The following PDE5A variants were observed in gnomAD, a reference collection of about 807,000 sequenced individuals.
The protein encoded by PDE5A is phosphodiesterase 5A, also known as cGMP-specific 3',5'-cyclic phosphodiesterase.
PDE5A carries 67 observed loss-of-function variants against 110.2 expected under a neutral mutation model. That is an observed-to-expected ratio of 0.61 (90% CI 0.50 to 0.75). The LOEUF (loss-of-function observed/expected upper bound fraction) is 0.75, where lower values mean the gene tolerates loss of function less well. PDE5A is among the 30% of genes least tolerant of loss of function. The pLI is 0.00. For synonymous variants in PDE5A, 328 were observed against 351.2 expected, an observed-to-expected ratio of 0.93 and a Z score of 0.74; for missense variants, 862 against 1,045.1, an observed-to-expected ratio of 0.82 and a Z score of 2.42.
chr4:119,605,157 C>T (rs1407976407), intron 2 of PDE5A, among the ~76,000 whole-genome samples: 1 of 152,130 alleles, frequency 6.6e-6, no homozygotes, highest in Non-Finnish European at 1.5e-5. Context: ...CTCAGCCTGG[C>T]ATTCAAGACC....
intron 1 of PDE5A, among the ~76,000 whole-genome samples, chr4:119,620,969 G>A (rs1330728671): frequency 6.6e-6 from 1 of 152,112 alleles, no homozygotes; most frequent in Non-Finnish European, 1.5e-5. Flanking sequence ...TTACCATACT[G>A]TTTTTCAGAT....
chr4:119,625,279 G>A (rs996076182), intron 1 of PDE5A, among the ~76,000 whole-genome samples: 2 of 152,178 alleles, frequency 1.3e-5, no homozygotes, highest in Non-Finnish European at 2.9e-5. Context: ...TTACAGGCAT[G>A]AGCCACCGTG....
intron 15 of PDE5A, among the ~76,000 whole-genome samples, chr4:119,509,954 A>G (rs1164471133): frequency 6.6e-6 from 1 of 151,994 alleles, no homozygotes; most frequent in Non-Finnish European, 1.5e-5. Context: ...CAAGGCACTC[A>G]TATCAGTACC....
Position 119,575,783 on chromosome 4 carries a change from G to A in PDE5A, c.832-8639C>T, listed in dbSNP as rs926194051. On this transcript the variant is annotated intron_variant, in intron 3 of 20. Transcript: ENST00000354960. ...CTAGGAAGAAACTGCATCAACTAAC[G>A]AGTAAAATAACCAGCTAACATTATA... Among the ~76,000 whole-genome samples, 4 of 152,238 alleles carry A rather than the reference G, an allele frequency of 2.6e-5. No individual in the cohort carries two copies. In the East Asian group the frequency reaches 7.7e-4, roughly 29 times the overall value.
chr4:119,505,549 C>T (rs1725521791), intron 17 of PDE5A, among the ~76,000 whole-genome samples: 2 of 151,880 alleles, frequency 1.3e-5, no homozygotes, highest in African/African-American at 4.8e-5. Context: ...CCATTTTCAG[C>T]ACTTCCATTA....
intron 9 of PDE5A, among the ~76,000 whole-genome samples, chr4:119,551,245 C>G (rs61398886): frequency 2.0e-5 from 3 of 152,270 alleles, no homozygotes; most frequent in East Asian, 1.9e-4. Flanking sequence ...GTATAAGCAC[C>G]TGCAGCTCCA....
intron 3 of PDE5A, among the ~76,000 whole-genome samples, chr4:119,578,153 G>A (rs1041382364): frequency 6.6e-6 from 1 of 152,102 alleles, no homozygotes; most frequent in African/African-American, 2.4e-5. Flanking sequence ...CCTCTTCAAG[G>A]AGAACTACAA....
intron 14 of PDE5A, among the ~76,000 whole-genome samples, chr4:119,513,582 C>T (rs1044937938): frequency 1.3e-5 from 2 of 152,140 alleles, no homozygotes; most frequent in African/African-American, 4.8e-5. Flanking sequence ...AAGTTGCCAT[C>T]TTTTTGCTTT....
At position 119,505,928 on chromosome 4, in the gene PDE5A, G is replaced by C. The variant is rs761983531; in HGVS notation, c.2194C>G (p.Arg732Gly). 1.3e-6 allele frequency: 2 copies of C among 1,552,852 alleles called. No individual in the cohort carries two copies. Residue 732 changes from arginine to glycine, a missense_variant, in exon 17 of 21, where the codon CGA becomes GGA. Physicochemically the swap from Arg to Gly is moderately radical, Grantham distance 125 (BLOSUM62 -2). Transcript: ENST00000354960. The part of the protein sequence containing the change: ...ATDLALYIKR[R>G]GEFFELIRKN... The stretch of plus-strand genomic sequence containing the variant: ...CTTATAAGTTCAAAAAATTCTCCTC[G>C]CCTCCTACAATGTTTAAAAAAAAAT...
intron 2 of PDE5A, among the ~76,000 whole-genome samples, chr4:119,603,129 T>C (rs1729402003): frequency 6.6e-6 from 1 of 152,224 alleles, no homozygotes; most frequent in Admixed American, 6.5e-5. Flanking sequence ...CAAGCACATT[T>C]ATATAGTAGT....
At position 119,574,722 on chromosome 4, in the gene PDE5A, A is replaced by T. The variant is rs895922141; in HGVS notation, c.832-7578T>A. Among the ~76,000 whole-genome samples the T allele has an allele frequency of 9.2e-5, 14 of 152,326 alleles. 1 individual carries two copies. The highest frequency in any genetic ancestry group is 1.3e-4 in the Admixed American group (2 of 15,302). Reference sequence around the variant, plus strand: ...TATAAGTCTCGTAACAAGTTTTCACAGCCAAGAACCACTTATGCAACATTA... The same window carrying T: ...TATAAGTCTCGTAACAAGTTTTCACTGCCAAGAACCACTTATGCAACATTA... On this transcript the variant is annotated intron_variant, in intron 3 of 20. Coordinates refer to ENST00000354960, the MANE Select transcript of PDE5A (RefSeq NM_001083.4).
intron 10 of PDE5A, 115 bp downstream of exon 10, chr4:119,542,344 T>C (rs1354933874): frequency 5.8e-6 from 5 of 857,926 alleles, no homozygotes; most frequent in Non-Finnish European, 7.2e-6. Context: ...CTAAATCACA[T>C]AATTTTGGTG....
intron 3 of PDE5A, among the ~76,000 whole-genome samples, chr4:119,586,344 G>A (rs1728765880): frequency 6.6e-6 from 1 of 152,148 alleles, no homozygotes; most frequent in Non-Finnish European, 1.5e-5. Context: ...AAAAGCAAGT[G>A]GAGATTTAGC....
chr4:119,596,164 T>C (rs1729143652), intron 3 of PDE5A, among the ~76,000 whole-genome samples: 1 of 152,246 alleles, frequency 6.6e-6, no homozygotes, highest in Admixed American at 6.5e-5. Context: ...ACCACTGTAG[T>C]TGGATGAGCA....
chr4:119,565,988 A>T (rs1727919912), intron 4 of PDE5A, among the ~76,000 whole-genome samples: 1 of 149,378 alleles, frequency 6.7e-6, no homozygotes, highest in South Asian at 2.1e-4. Flanking sequence ...AATAATTAAT[A>T]GTATTAATTA....
At position 119,496,798 on chromosome 4, in the gene PDE5A, C is replaced by T. The variant is rs200215970; in HGVS notation, c.*1803G>A. ...CACACCAGTGCCACAAAGGGGCAAC[C>T]TTACAAATTTTATCTGTATGGCAAA... is the stretch of plus-strand genomic sequence containing the variant. On this transcript the variant is annotated 3_prime_UTR_variant, in exon 21 of 21. Transcript: ENST00000354960. The T allele has an allele frequency of 6.6e-6, 1 of 152,366 alleles. No individual in the cohort carries two copies. Among genetic ancestry groups the T allele is most frequent in the Non-Finnish European group, 1.5e-5 (1 of 67,968 alleles). 9.4% of individuals were successfully genotyped at this position (152,366 alleles called of 1,614,324 possible).
intron 3 of PDE5A, among the ~76,000 whole-genome samples, chr4:119,594,577 A>G (rs1228745212): frequency 2.0e-5 from 3 of 152,194 alleles, no homozygotes; most frequent in Non-Finnish European, 2.9e-5. Context: ...TAAAAATTTG[A>G]TATACCTGGC....
chr4:119,515,837 T>C (rs750753926), intron 14 of PDE5A, among the ~76,000 whole-genome samples: 2 of 152,218 alleles, frequency 1.3e-5, no homozygotes, highest in Non-Finnish European at 1.5e-5. Flanking sequence ...TTCTAATTTC[T>C]ACCCATTCAC....
intron 17 of PDE5A, 55 bp from the exon 18 acceptor site, chr4:119,504,654 C>T (rs1725495164): frequency 5.0e-6 from 7 of 1,398,724 alleles, no homozygotes; most frequent in Non-Finnish European, 6.0e-6. Context: ...TTATTATATA[C>T]CCTCAGTAAA....
Sources: allele counts gnomAD v4.1 joint callset (sites outside exome capture counted in the v4.1 genomes callset), GRCh38; gene constraint gnomAD v4.1.1; transcripts MANE v1.5; gene names NCBI Gene and HGNC (gene_info 2026-07-23, HGNC 2026-07-21).